Variants in CDH19 observed in about 807,000 individuals in gnomAD.
The protein encoded by CDH19 is cadherin-19.
A neutral mutation model predicts 64.2 loss-of-function variants in CDH19; 67 were observed. The ratio of observed to expected loss-of-function variants is 1.04; its 90% CI spans 0.86 to 1.28. CDH19 has a LOEUF of 1.28. CDH19 is among the 50% of genes most tolerant of loss of function. The pLI is 0.00. For missense variants in CDH19, 1,030 were observed against 929.0 expected (o/e 1.11, Z -1.41); for synonymous variants, 346 against 319.3 (o/e 1.08, Z -0.89).
intron 2 of CDH19, among the ~76,000 whole-genome samples, chr18:66,570,574 TA>T (rs1012287632): frequency 6.6e-6 from 1 of 151,568 alleles, no homozygotes; most frequent in Non-Finnish European, 1.5e-5. Context: ...ACGCAGCAGC[TA>T]AATTGTATAT....
chr18:66,540,160 T>C (rs1019731678), intron 7 of CDH19, among the ~76,000 whole-genome samples: 1 of 152,226 alleles, frequency 6.6e-6, no homozygotes, highest in African/African-American at 2.4e-5. Context: ...AATCTGCTAC[T>C]GGCTTCATTA....
At chr18:66,508,221 A>G (rs1985295780) in intron 11 of CDH19, among the ~76,000 whole-genome samples, 1 of 151,990 alleles carries the variant, frequency 6.6e-6, no homozygotes, top group African/African-American at 2.4e-5. Flanking sequence ...AGTAGAGAGT[A>G]GAATGGTAGT....
intron 9 of CDH19, among the ~76,000 whole-genome samples, chr18:66,528,453 AC>A (rs1413789456): frequency 2.0e-5 from 3 of 152,082 alleles, no homozygotes; most frequent in Non-Finnish European, 4.4e-5. Context: ...TTTTATATCC[AC>A]CTTTTACTTT....
intron 1 of CDH19, among the ~76,000 whole-genome samples, chr18:66,575,915 T>A (rs1394379172): frequency 1.3e-5 from 2 of 151,756 alleles, no homozygotes; most frequent in Non-Finnish European, 2.9e-5. Flanking sequence ...TGTATGAAAT[T>A]AACAGCATAA....
intron 9 of CDH19, among the ~76,000 whole-genome samples, chr18:66,514,801 C>CA (rs996628669): frequency 6.6e-6 from 1 of 151,278 alleles, no homozygotes; most frequent in African/African-American, 2.4e-5. Context: ...TATCCTGAGC[C>CA]AAAAATAAGC....
At chr18:66,560,034 G>A (rs1390075036) in intron 3 of CDH19, among the ~76,000 whole-genome samples, 1 of 151,892 alleles carries the variant, frequency 6.6e-6, no homozygotes, top group Non-Finnish European at 1.5e-5. Flanking sequence ...TGTTTCTTTT[G>A]TTTTGTTTTT....
chr18:66,568,386 A>G, intron 3 of CDH19, 30 bp downstream of exon 3: 1 of 1,533,114 alleles, frequency 6.5e-7, no homozygotes, highest in Non-Finnish European at 8.9e-7. Flanking sequence ...CATTGTTAAT[A>G]TATCTTTGAT....
At position 66,503,439 on chromosome 18, in the gene CDH19, G is replaced by A. The variant is rs1985032714; in HGVS notation, c.*1373C>T. 1.3e-5 allele frequency: 2 copies of A among 151,734 alleles called. No individual in the cohort carries two copies. The highest frequency in any genetic ancestry group is 2.9e-5 in the Non-Finnish European group (2 of 67,798). 9.4% of individuals were successfully genotyped at this position (151,734 alleles called of 1,614,324 possible). A position where few individuals can be genotyped will look rare whatever the true frequency, so the allele number is the denominator to read the frequency against. On this transcript the variant is annotated 3_prime_UTR_variant, in exon 12 of 12. Coordinates refer to ENST00000262150, the MANE Select transcript of CDH19 (RefSeq NM_021153.4). Reference sequence around the variant, plus strand: ...TGTATCATGTTTTATCCCATGAATGGTAAGTCAGTTCAGTTGATCATAATA... The same window carrying A: ...TGTATCATGTTTTATCCCATGAATGATAAGTCAGTTCAGTTGATCATAATA...
chr18:66,595,228 T>C (rs1988853470), intron 1 of CDH19, among the ~76,000 whole-genome samples: 1 of 151,436 alleles, frequency 6.6e-6, no homozygotes, highest in Non-Finnish European at 1.5e-5. Flanking sequence ...GTCTTAAATG[T>C]CCATATCAAA....
chr18:66,542,367 T>G (rs1483952387), intron 7 of CDH19, among the ~76,000 whole-genome samples: 1 of 152,084 alleles, frequency 6.6e-6, no homozygotes, highest in Admixed American at 6.6e-5. Flanking sequence ...AGCTAGCATT[T>G]TAATTAATAT....
Position 66,515,676 on chromosome 18 carries a change from G to A in CDH19, c.1459-3991C>T, listed in dbSNP as rs183576835. 4.6e-5 allele frequency among the ~76,000 whole-genome samples: 7 copies of A among 151,772 alleles called. 1 individual carries two copies. The highest frequency in any genetic ancestry group is 4.6e-4 in the Admixed American group (7 of 15,212). On this transcript the variant is annotated intron_variant, in intron 9 of 11. Transcript: ENST00000262150. ...ATTAACTTGTAGAAATTGATATTCAGTTGAAAAATACACATTCCTAGATTT... is the reference window on the plus strand; with the variant it reads ...ATTAACTTGTAGAAATTGATATTCAATTGAAAAATACACATTCCTAGATTT...
At chr18:66,568,323 G>T in intron 3 of CDH19, 93 bp downstream of exon 3, 1 of 936,664 alleles carries the variant, frequency 1.1e-6, no homozygotes, top group Non-Finnish European at 1.6e-6. Context: ...TTCTAGTATA[G>T]ACCCTTAAAT....
intron 8 of CDH19, among the ~76,000 whole-genome samples, chr18:66,530,662 C>T (rs2144419003): frequency 6.6e-6 from 1 of 150,382 alleles, no homozygotes; most frequent in East Asian, 1.9e-4. Context: ...ATAAAAAAGA[C>T]ATTTCAGAAA....
chr18:66,524,714 T>G (rs1986153971), intron 9 of CDH19, among the ~76,000 whole-genome samples: 1 of 151,768 alleles, frequency 6.6e-6, no homozygotes, highest in Admixed American at 6.6e-5. Context: ...CCATGCTGAG[T>G]CTATCACCCT....
At chr18:66,510,804 C>T (rs914710629) in intron 10 of CDH19, among the ~76,000 whole-genome samples, 6 of 151,342 alleles carry the variant, frequency 4.0e-5, no homozygotes, top group South Asian at 2.1e-4. Context: ...GTTGCATTTA[C>T]TCTCGTATGA....
chr18:66,532,093 A>G (rs1034655518), intron 8 of CDH19, among the ~76,000 whole-genome samples: 3 of 151,992 alleles, frequency 2.0e-5, no homozygotes, highest in Admixed American at 2.0e-4. Context: ...CAGCCTCCCT[A>G]GTAGCTGAAA....
At chr18:66,547,671 T>TA in intron 5 of CDH19, among the ~76,000 whole-genome samples, 3 of 137,010 alleles carry the variant, frequency 2.2e-5, no homozygotes, top group African/African-American at 8.6e-5. Context: ...GTTTTTTTTT[T>TA]TTTTTTTTTT....
chr18:66,505,137 A>C lies in CDH19; in HGVS notation c.1994T>G (p.Met665Arg), dbSNP rs142233132. 2 of 1,613,450 alleles carry C rather than the reference A, an allele frequency of 1.2e-6. No individual in the cohort carries two copies. The highest frequency in any genetic ancestry group is 8.5e-7 in the Non-Finnish European group (1 of 1,179,732). ...GGTTTTCCGAGTCTTGCGTTCCCGC[A>C]TTATGGTACTACTCCTCAGCTCTGC... ...DIAELRSSTI[M>R]RERKTRKTTS... The change falls in exon 12 of 12, where the codon ATG (methionine) becomes AGG (arginine). Residue 665 changes from methionine (M) to arginine (R), a missense_variant. Met to Arg is a moderately conservative substitution (Grantham distance 91). Transcript: ENST00000262150.
intron 5 of CDH19, among the ~76,000 whole-genome samples, chr18:66,549,881 T>C (rs1430429448): frequency 1.3e-5 from 2 of 152,094 alleles, no homozygotes; most frequent in African/African-American, 4.8e-5. Flanking sequence ...GCCAACTTCC[T>C]GTGCTTATTC....
Sources: allele counts gnomAD v4.1 joint callset (sites outside exome capture counted in the v4.1 genomes callset), GRCh38; gene constraint gnomAD v4.1.1; transcripts MANE v1.5; gene names NCBI Gene and HGNC (gene_info 2026-07-23, HGNC 2026-07-21).